Variants in IMPG2 observed in about 807,000 individuals in gnomAD.
The protein encoded by IMPG2 is interphotoreceptor matrix proteoglycan 2.
A neutral mutation model predicts 129.2 loss-of-function variants in IMPG2; 91 were observed. That is an observed-to-expected ratio of 0.70 (90% CI 0.59 to 0.84). The LOEUF (loss-of-function observed/expected upper bound fraction) is 0.84, where lower values mean the gene tolerates loss of function less well. IMPG2 is among the 40% of genes least tolerant of loss of function. The pLI is 0.00. For synonymous variants in IMPG2, 510 were observed against 517.7 expected, an observed-to-expected ratio of 0.99 and a Z score of 0.20; for missense variants, 1,430 against 1,461.7, an observed-to-expected ratio of 0.98 and a Z score of 0.35.
rs371462380 is a variant in IMPG2, at chr3:101,291,514, A to G, written c.502-4T>C. On this transcript the variant is annotated splice_polypyrimidine_tract_variant and splice_region_variant and intron_variant, in intron 3 of 18. Coordinates refer to ENST00000193391, the MANE Select transcript of IMPG2 (RefSeq NM_016247.4). ...TTTCCTTTGCATAAGTCAGTTTCTA[A>G]GGAAAACAAAGATATAAAAATGACT... 39 of 1,610,714 alleles carry G rather than the reference A, an allele frequency of 2.4e-5. No individual in the cohort carries two copies. In the African/African-American group the frequency reaches 5.2e-4, roughly 21 times the overall value.
intron 11 of IMPG2, among the ~76,000 whole-genome samples, chr3:101,248,272 G>GAT (rs1706504569): frequency 6.6e-6 from 1 of 152,118 alleles, no homozygotes; most frequent in Non-Finnish European, 1.5e-5. Context: ...AGATATGATG[G>GAT]TTTTATAAAG....
intron 17 of IMPG2, 60 bp downstream of exon 17, chr3:101,229,320 G>GT: frequency 1.9e-6 from 1 of 519,342 alleles, no homozygotes. Flanking sequence ...ACCACCCCCT[G>GT]CTCCCCCACA....
intron 11 of IMPG2, among the ~76,000 whole-genome samples, chr3:101,252,353 C>A (rs1706553979): frequency 6.6e-6 from 1 of 152,110 alleles, no homozygotes; most frequent in South Asian, 2.1e-4. Context: ...CTCATCTTTA[C>A]AATATGATTC....
At position 101,275,687 on chromosome 3, in the gene IMPG2, G is replaced by A. The variant is rs546636233; in HGVS notation, c.642C>T (p.Ser214=). Residue 214 remains serine, a synonymous_variant, in exon 6 of 19, where the codon AGC becomes AGT. Coordinates refer to ENST00000193391, the MANE Select transcript of IMPG2 (RefSeq NM_016247.4). The part of the protein sequence containing the change: ...EVDAYEGASE[S]SLERPEESIS... ...CACTCTCCTCTGGCCTTTCCAAGCT[G>A]CTCTCTGAGGCACCTTCATAGGCGT... The A allele has an allele frequency of 3.1e-6, 5 of 1,613,586 alleles. No homozygotes were observed. The African/African-American group carries it at 6.7e-5, about 22-fold the overall frequency.
chr3:101,289,789 C>T (rs532117700), intron 4 of IMPG2, among the ~76,000 whole-genome samples: 72 of 151,656 alleles, frequency 4.7e-4, no homozygotes, highest in African/African-American at 1.7e-3. Flanking sequence ...AGTAGAGAGA[C>T]CTCTTGGCAA....
At position 101,320,328 on chromosome 3, in the gene IMPG2, CA is replaced by C; in HGVS notation, c.44del (p.Leu15Ter). 6.2e-7 allele frequency: 1 copy of C among 1,607,668 alleles called. No homozygotes were observed. Among genetic ancestry groups the C allele is most frequent in the Non-Finnish European group, 8.5e-7 (1 of 1,174,936 alleles). On this transcript the variant is annotated frameshift_variant, in exon 1 of 19. Coordinates refer to ENST00000193391, the MANE Select transcript of IMPG2 (RefSeq NM_016247.4). LOFTEE classifies it high-confidence loss of function. ...AGTCTCCTTCTATCAGGACAAATAT[CA>C]AAATACCCAGAGAAATCTTCCCAAA... Reference protein sequence around the residue: ...PLFGKISLGILIFVLIEGDFP... With the variant: ...PLFGKISLGIXIFVLIEGDFP...
intron 14 of IMPG2, among the ~76,000 whole-genome samples, chr3:101,241,616 AGTC>A (rs1559641974): frequency 2.0e-5 from 3 of 152,104 alleles, no homozygotes; most frequent in African/African-American, 4.8e-5. Context: ...ATTTGGATGG[AGTC>A]GTACCAATGG....
At chr3:101,254,493 G>A (rs1417880018) in intron 10 of IMPG2, among the ~76,000 whole-genome samples, 1 of 152,020 alleles carries the variant, frequency 6.6e-6, no homozygotes, top group Admixed American at 6.6e-5. Context: ...TTGCCCACGG[G>A]GGAGAGGGAA....
At chr3:101,289,214 G>A (rs1267874659) in intron 4 of IMPG2, among the ~76,000 whole-genome samples, 5 of 152,140 alleles carry the variant, frequency 3.3e-5, no homozygotes, top group East Asian at 1.9e-4. Context: ...TTGGATTCCT[G>A]TAAGGGTATT....
chr3:101,270,185 C>T (rs1026310597), intron 7 of IMPG2, among the ~76,000 whole-genome samples: 7 of 152,010 alleles, frequency 4.6e-5, no homozygotes, highest in African/African-American at 1.7e-4. Flanking sequence ...GATCCACCTG[C>T]CTCAGCCTCC....
chr3:101,307,093 T>C (rs476491), intron 2 of IMPG2, among the ~76,000 whole-genome samples: 109,223 of 152,080 alleles, frequency 0.72, 40,373 homozygotes, highest in East Asian at 0.84. Flanking sequence ...CTGGAATATA[T>C]ACTTCACAAA....
At chr3:101,234,110 G>A (rs906023107) in intron 14 of IMPG2, among the ~76,000 whole-genome samples, 27 of 150,658 alleles carry the variant, frequency 1.8e-4, no homozygotes, top group African/African-American at 4.9e-4. Flanking sequence ...ATCCAGAACC[G>A]CAGAATATGA....
chr3:101,246,122 G>A lies in IMPG2; in HGVS notation c.1240-17C>T. The A allele has an allele frequency of 6.2e-7, 1 of 1,612,100 alleles. No homozygotes were observed. The highest frequency in any genetic ancestry group is 1.1e-5 in the South Asian group (1 of 90,834). On this transcript the variant is annotated splice_polypyrimidine_tract_variant and intron_variant, in intron 11 of 18. Transcript: ENST00000193391. ...GGTATTATCCTGGGGGGAAAAAAAG[G>A]CTAAATCATATCATAGATAAAAGAA...
chr3:101,279,474 C>A (rs927087547), intron 4 of IMPG2, among the ~76,000 whole-genome samples: 2 of 152,196 alleles, frequency 1.3e-5, no homozygotes, highest in African/African-American at 4.8e-5. Flanking sequence ...AAGGGTTTCA[C>A]TTGGCCTTCA....
intron 14 of IMPG2, among the ~76,000 whole-genome samples, chr3:101,234,118 T>A (rs923641072): frequency 3.3e-5 from 5 of 150,358 alleles, no homozygotes; most frequent in Admixed American, 3.3e-4. Flanking sequence ...CCGCAGAATA[T>A]GACCTTACTT....
intron 14 of IMPG2, among the ~76,000 whole-genome samples, chr3:101,241,596 G>C (rs1228073525): frequency 6.6e-6 from 1 of 152,096 alleles, no homozygotes; most frequent in Non-Finnish European, 1.5e-5. Flanking sequence ...CCAAAGGAGA[G>C]ATCATGGTGA....
At chr3:101,271,150 AG>A (rs1431957686) in intron 7 of IMPG2, among the ~76,000 whole-genome samples, 1 of 148,060 alleles carries the variant, frequency 6.8e-6, no homozygotes, top group Admixed American at 6.8e-5. Context: ...GGTGGTGGGG[AG>A]GGGTAGAAGA....
chr3:101,229,300 A>ACCCCCCCCCCCC, intron 17 of IMPG2, 80 bp downstream of exon 17: 16 of 859,062 alleles, frequency 1.9e-5, no homozygotes, highest in Middle Eastern at 3.5e-4. Context: ...ACTCATACAC[A>ACCCCCCCCCCCC]CCCCCACCCA....
At chr3:101,292,220 A>G (rs1411510339) in intron 3 of IMPG2, among the ~76,000 whole-genome samples, 1 of 152,196 alleles carries the variant, frequency 6.6e-6, no homozygotes, top group Non-Finnish European at 1.5e-5. Flanking sequence ...GCATTTAGAA[A>G]TGACTCACTG....
Sources: gnomAD v4.1 joint callset for allele counts (sites outside exome capture counted in the v4.1 genomes callset) on GRCh38, gnomAD v4.1.1 for gene constraint, MANE v1.5 for transcripts, NCBI Gene and HGNC (gene_info 2026-07-23, HGNC 2026-07-21) for gene names.